The following ADGRL3 variants were observed in gnomAD, a reference collection of about 807,000 sequenced individuals.
ADGRL3 encodes adhesion G protein-coupled receptor L3, also known as calcium-independent alpha-latrotoxin receptor 3.
Under a neutral mutation model 153.5 loss-of-function variants are expected in ADGRL3, and 62 were observed. That is an observed-to-expected ratio of 0.40 (90% confidence interval 0.33 to 0.50). The LOEUF (loss-of-function observed/expected upper bound fraction) is 0.50, where lower values mean the gene tolerates loss of function less well. Among genes scored for constraint, ADGRL3 ranks in the 20% least tolerant of loss-of-function variants. The pLI, the probability that ADGRL3 is intolerant of heterozygous loss-of-function variation, is 0.47. For missense variants in ADGRL3, 1,641 were observed against 1,859.4 expected (o/e 0.88, Z 2.16); for synonymous variants, 710 against 672.5 (o/e 1.06, Z -0.86).
At chr4:61,663,472 C>T (rs1431211497) in intron 5 of ADGRL3, among the ~76,000 whole-genome samples, 1 of 152,216 alleles carries the variant, frequency 6.6e-6, no homozygotes, top group East Asian at 1.9e-4. Context: ...AGCCGGTGTG[C>T]CTGGTGGTGT....
At chr4:61,724,615 A>G (rs1169167376) in intron 6 of ADGRL3, among the ~76,000 whole-genome samples, 1 of 152,202 alleles carries the variant, frequency 6.6e-6, no homozygotes, top group African/African-American at 2.4e-5. Flanking sequence ...TCAGTGATGC[A>G]TGGGTATTAT....
chr4:61,926,868 A>G (rs904940672), intron 13 of ADGRL3, among the ~76,000 whole-genome samples: 13 of 151,744 alleles, frequency 8.6e-5, no homozygotes, highest in African/African-American at 3.1e-4. Flanking sequence ...AACCCCTTAT[A>G]CTCTCTGCTC....
chr4:61,395,336 T>C (rs551945794), intron 2 of ADGRL3, among the ~76,000 whole-genome samples: 2 of 152,102 alleles, frequency 1.3e-5, no homozygotes, highest in Admixed American at 1.3e-4. Context: ...GGAAATGTAT[T>C]ATAAAAACCT....
intron 9 of ADGRL3, among the ~76,000 whole-genome samples, chr4:61,891,749 A>G (rs1220287030): frequency 1.3e-5 from 2 of 152,152 alleles, no homozygotes; most frequent in Admixed American, 1.3e-4. Flanking sequence ...TGAGGTTAAG[A>G]GTAGTTTCTA....
chr4:61,537,239 G>T (rs1427958707), intron 4 of ADGRL3, among the ~76,000 whole-genome samples: 2 of 150,918 alleles, frequency 1.3e-5, no homozygotes, highest in Non-Finnish European at 2.9e-5. Flanking sequence ...TAAAGTTTCT[G>T]CTGAGAAGTC....
At chr4:61,249,972 C>T (rs1758606358) in intron 1 of ADGRL3, among the ~76,000 whole-genome samples, 1 of 152,130 alleles carries the variant, frequency 6.6e-6, no homozygotes, top group African/African-American at 2.4e-5. Context: ...GCTTTATGGA[C>T]TCTTATGATG....
intron 21 of ADGRL3, among the ~76,000 whole-genome samples, chr4:62,013,477 G>A (rs560705003): frequency 3.3e-5 from 5 of 152,062 alleles, no homozygotes; most frequent in African/African-American, 1.2e-4. Flanking sequence ...GGGAGGCGGA[G>A]GTTGCAGTGA....
At chr4:61,464,609 T>C (rs1450639389) in intron 2 of ADGRL3, among the ~76,000 whole-genome samples, 1 of 152,168 alleles carries the variant, frequency 6.6e-6, no homozygotes. Flanking sequence ...TATTAAAAAA[T>C]AATACATAAC....
chr4:62,065,154 T>G (rs1377487256), intron 25 of ADGRL3, among the ~76,000 whole-genome samples: 1 of 152,098 alleles, frequency 6.6e-6, no homozygotes, highest in East Asian at 1.9e-4. Flanking sequence ...GAAATTTTTC[T>G]CTGGTCTTTA....
In ADGRL3 at chr4:61,977,477, C is replaced by T. The variant is rs139546358; in HGVS notation, c.2806-2086C>T. 8.1e-3 allele frequency among the ~76,000 whole-genome samples: 1,230 copies of T among 152,234 alleles called. 8 individuals carry two copies. The highest frequency in any genetic ancestry group is 0.028 in the African/African-American group (1,150 of 41,554). ...CCAACACTGCTTTGGTAGCATCCCC[C>T]GGAGAACAAAGCAGTTAAAGCAAAA... On this transcript the variant is annotated intron_variant, in intron 17 of 26. Coordinates refer to ENST00000683033, the MANE Select transcript of ADGRL3 (RefSeq NM_001387552.1).
intron 5 of ADGRL3, among the ~76,000 whole-genome samples, chr4:61,615,575 A>ATT (rs1375157044): frequency 4.8e-5 from 2 of 41,844 alleles, no homozygotes; most frequent in East Asian, 2.1e-3. Flanking sequence ...CGGTTGGAAT[A>ATT]TTGTGTGTGT....
intron 1 of ADGRL3, among the ~76,000 whole-genome samples, chr4:61,337,765 A>G (rs1423709616): frequency 1.3e-5 from 2 of 152,156 alleles, no homozygotes; most frequent in African/African-American, 4.8e-5. Flanking sequence ...TGCTTCCTTT[A>G]AAGATTCTTT....
At chr4:61,252,804 A>G (rs2091580496) in intron 1 of ADGRL3, among the ~76,000 whole-genome samples, 1 of 152,144 alleles carries the variant, frequency 6.6e-6, no homozygotes, top group African/African-American at 2.4e-5. Flanking sequence ...ATTTACATCT[A>G]AATGACCATA....
At chr4:61,787,509 T>G (rs1255159936) in intron 8 of ADGRL3, among the ~76,000 whole-genome samples, 1 of 152,100 alleles carries the variant, frequency 6.6e-6, no homozygotes, top group Non-Finnish European at 1.5e-5. Flanking sequence ...AAGAGTGTAC[T>G]GGGGACTCCC....
At chr4:61,775,779 A>C (rs1040825723) in intron 8 of ADGRL3, 1 of 789,258 alleles carries the variant, frequency 1.3e-6, no homozygotes, top group African/African-American at 1.7e-5. Flanking sequence ...GGATGAGGGC[A>C]GTCTTCAGCA....
At chr4:61,408,500 A>T (rs1195270864) in intron 2 of ADGRL3, among the ~76,000 whole-genome samples, 2 of 150,536 alleles carry the variant, frequency 1.3e-5, no homozygotes, top group Non-Finnish European at 3.0e-5. Context: ...TTCCCTGCTT[A>T]TGAGAATAGA....
chr4:61,896,953 T>C (rs2098635156), intron 11 of ADGRL3, among the ~76,000 whole-genome samples: 1 of 152,202 alleles, frequency 6.6e-6, no homozygotes. Flanking sequence ...CAGGGGTGAA[T>C]ATAAATTCAA....
intron 6 of ADGRL3, among the ~76,000 whole-genome samples, chr4:61,684,492 A>T (rs1397857175): frequency 6.6e-6 from 1 of 152,068 alleles, no homozygotes; most frequent in Non-Finnish European, 1.5e-5. Context: ...CCAGTAGTGG[A>T]GTATTGTTAC....
At chr4:61,522,009 G>A (rs1303303412) in intron 4 of ADGRL3, among the ~76,000 whole-genome samples, 1 of 152,108 alleles carries the variant, frequency 6.6e-6, no homozygotes, top group Non-Finnish European at 1.5e-5. Context: ...GCCCAGATGT[G>A]ATAAGATGTC....
Sources: gnomAD v4.1 joint callset for allele counts (sites outside exome capture counted in the v4.1 genomes callset) on GRCh38, gnomAD v4.1.1 for gene constraint, MANE v1.5 for transcripts, NCBI Gene and HGNC (gene_info 2026-07-23, HGNC 2026-07-21) for gene names.